Variants in RB1CC1 observed in about 807,000 individuals in gnomAD.
The protein encoded by RB1CC1 is RB1-inducible coiled-coil protein 1.
A neutral mutation model predicts 177.5 loss-of-function variants in RB1CC1; 46 were observed. The ratio of observed to expected loss-of-function variants is 0.26; its 90% CI spans 0.20 to 0.33. RB1CC1 has a LOEUF of 0.33. RB1CC1 is among the 10% of genes least tolerant of loss of function. RB1CC1 has a pLI of 1.00. For missense variants in RB1CC1, 1,703 were observed against 1,816.3 expected (o/e 0.94, Z 1.13); for synonymous variants, 666 against 613.6 (o/e 1.09, Z -1.26).
chr8:52,699,452 T>C (rs1234039416), intron 1 of RB1CC1, among the ~76,000 whole-genome samples: 1 of 152,048 alleles, frequency 6.6e-6, no homozygotes, highest in Non-Finnish European at 1.5e-5. Flanking sequence ...ATCAAAATGA[T>C]GGGTACATCA....
At chr8:52,668,736 T>TG (rs971033290) in intron 7 of RB1CC1, among the ~76,000 whole-genome samples, 1 of 152,188 alleles carries the variant, frequency 6.6e-6, no homozygotes, top group Non-Finnish European at 1.5e-5. Flanking sequence ...ATAATGCTCC[T>TG]GGTCCCTTAA....
At position 52,657,797 on chromosome 8, in the gene RB1CC1, C is replaced by T. The variant is rs747970098; in HGVS notation, c.2032G>A (p.Asp678Asn). The stretch of plus-strand genomic sequence containing the variant: ...GGACAAACTGCAGGACATAAGGGAT[C>T]CTGAACAGTCAGTGGTGGAGGAGTT... ...PRTPPPLTVQ[D>N]PLCPAVCPLE... Residue 678 changes from aspartate (D) to asparagine (N), a missense_variant, in exon 15 of 24, where the codon GAT becomes AAT. Coordinates refer to ENST00000025008, the MANE Select transcript of RB1CC1 (RefSeq NM_014781.5). The T allele has an allele frequency of 3.1e-6, 5 of 1,613,156 alleles. No homozygotes were observed. The highest frequency in any genetic ancestry group is 4.2e-6 in the Non-Finnish European group (5 of 1,179,888).
At chr8:52,652,950 A>G (rs1385330513) in intron 15 of RB1CC1, among the ~76,000 whole-genome samples, 4 of 151,992 alleles carry the variant, frequency 2.6e-5, no homozygotes, top group African/African-American at 9.6e-5. Flanking sequence ...CCAGCTACTC[A>G]GGAGGCTGAG....
intron 15 of RB1CC1, among the ~76,000 whole-genome samples, chr8:52,646,625 A>G (rs1325826370): frequency 6.6e-6 from 1 of 152,212 alleles, no homozygotes; most frequent in Non-Finnish European, 1.5e-5. Flanking sequence ...CTAAAACTGA[A>G]AAGCGCTTAC....
chr8:52,657,766 T>A lies in RB1CC1; in HGVS notation c.2063A>T (p.Glu688Val). Reference protein sequence around the residue: ...DPLCPAVCPLEELSPDSIDAH... With the variant: ...DPLCPAVCPLVELSPDSIDAH... Reference sequence around the variant, plus strand: ...ATCAATACTATCTGGAGATAATTCTTCTAAGGGACAAACTGCAGGACATAA... The same window carrying A: ...ATCAATACTATCTGGAGATAATTCTACTAAGGGACAAACTGCAGGACATAA... Residue 688 changes from glutamate to valine, a missense_variant, in exon 15 of 24, where the codon GAA (glutamate) becomes GTA (valine). This residue lies in a region of RB1CC1 where 1,169 missense variants were observed against 1,184.7 expected (regional missense o/e 0.99). Transcript: ENST00000025008. 1 of 1,613,948 alleles carries A rather than the reference T, an allele frequency of 6.2e-7. No homozygotes were observed. Among genetic ancestry groups the A allele is most frequent in the Non-Finnish European group, 8.5e-7 (1 of 1,179,984 alleles).
rs559598283 is a variant in RB1CC1 at position 52,645,918 on chromosome 8, A to G, written c.3822-51T>C. On this transcript the variant is annotated intron_variant, in intron 15 of 23. Coordinates refer to ENST00000025008, the MANE Select transcript of RB1CC1 (RefSeq NM_014781.5). ...TTAAAAAAAAAATTACAGACACACA[A>G]ATATACCAAATATCATATTTGGGAA... 18 of 1,482,108 alleles carry G rather than the reference A, an allele frequency of 1.2e-5. No individual in the cohort carries two copies. The East Asian group carries it at 4.1e-4, about 34-fold the overall frequency. 91.8% of individuals were successfully genotyped at this position (1,482,108 alleles called of 1,614,324 possible).
rs1851865135 is a variant in RB1CC1 at position 52,664,194 on chromosome 8, G to A, written c.1174-2475C>T. On this transcript the variant is annotated intron_variant, in intron 8 of 23. Coordinates refer to ENST00000025008, the MANE Select transcript of RB1CC1 (RefSeq NM_014781.5). ...CAACTGGGTATCCCTTTTCTCTAAT[G>A]AGCTCACTGAAAATAATCTTATTAA... 1.3e-5 allele frequency among the ~76,000 whole-genome samples: 2 copies of A among 152,086 alleles called. 1 individual carries two copies. Among genetic ancestry groups the A allele is most frequent in the Non-Finnish European group, 2.9e-5 (2 of 68,004 alleles).
At chr8:52,653,510 T>G (rs1283924361) in intron 15 of RB1CC1, among the ~76,000 whole-genome samples, 1 of 152,070 alleles carries the variant, frequency 6.6e-6, no homozygotes, top group African/African-American at 2.4e-5. Flanking sequence ...AAACTCTAGA[T>G]CTAGTATTCA....
chr8:52,658,752 T>A (rs1272624542), intron 13 of RB1CC1, 121 bp downstream of exon 13: 2 of 554,046 alleles, frequency 3.6e-6, no homozygotes, highest in Non-Finnish European at 5.9e-6. Context: ...GGAAAGCCAG[T>A]CTATCTTAAA....
rs1850706057 is a variant in RB1CC1 at position 52,652,636 on chromosome 8, G to T, written c.3821+3372C>A. Among the ~76,000 whole-genome samples the T allele has an allele frequency of 2.0e-5, 3 of 152,310 alleles. No homozygotes were observed. The South Asian group carries it at 6.2e-4, about 32-fold the overall frequency. On this transcript the variant is annotated intron_variant, in intron 15 of 23. Coordinates refer to ENST00000025008, the MANE Select transcript of RB1CC1 (RefSeq NM_014781.5). ...AGCGTAAAAAGATACTGTGACAGAA[G>T]TTAGAGAGCCACTGTTCTTGTTTTT... is the stretch of plus-strand genomic sequence containing the variant.
intron 2 of RB1CC1, among the ~76,000 whole-genome samples, chr8:52,686,565 A>G (rs897448147): frequency 2.6e-5 from 4 of 152,190 alleles, no homozygotes; most frequent in African/African-American, 9.7e-5. Context: ...AGAGAAAGAA[A>G]AAAAACTTAA....
chr8:52,636,505 A>G (rs1174570037), intron 18 of RB1CC1, among the ~76,000 whole-genome samples: 1 of 152,340 alleles, frequency 6.6e-6, no homozygotes, highest in East Asian at 1.9e-4. Flanking sequence ...AACAAATTAG[A>G]AAATTTTAAA....
chr8:52,683,850 GTTGCATTCT>G, intron 4 of RB1CC1, 28 bp downstream of exon 4: 1 of 1,604,010 alleles, frequency 6.2e-7, no homozygotes, highest in African/African-American at 1.3e-5. Flanking sequence ...ATGTAAAGAT[GTTGCATTCT>G]TGTGTGAAAG....
At chr8:52,665,092 GAAT>G (rs1235614248) in intron 8 of RB1CC1, among the ~76,000 whole-genome samples, 3 of 152,104 alleles carry the variant, frequency 2.0e-5, no homozygotes, top group African/African-American at 7.2e-5. Flanking sequence ...CGATTTTATA[GAAT>G]GATGGGTTCA....
chr8:52,683,918 T>C lies in RB1CC1; in HGVS notation c.167A>G (p.Asp56Gly), dbSNP rs2150595769. The C allele has an allele frequency of 6.2e-7, 1 of 1,614,162 alleles. No individual in the cohort carries two copies. The highest frequency in any genetic ancestry group is 2.2e-5 in the East Asian group (1 of 44,878). The change falls in exon 4 of 24, where the codon GAT becomes GGT. Residue 56 changes from aspartate to glycine, a missense_variant. Transcript: ENST00000025008. ...AGCACTGTAGGTACACACTCTTCGA[T>C]CTGCAGCCATGCATTCTCCTCCATT... The part of the protein sequence containing the change: ...VVNGGECMAA[D>G]RRVCTYSAGT...
At chr8:52,686,096 T>A (rs907759190) in intron 2 of RB1CC1, 4 of 152,328 alleles carry the variant, frequency 2.6e-5, no homozygotes, top group Non-Finnish European at 5.9e-5. Flanking sequence ...ACCTCTACAC[T>A]GAGCAAGAAA....
chr8:52,707,917 A>T (rs1856722459), intron 1 of RB1CC1, among the ~76,000 whole-genome samples: 1 of 152,206 alleles, frequency 6.6e-6, no homozygotes, highest in South Asian at 2.1e-4. Context: ...AGGCTCAGGT[A>T]ACCTCCACAT....
intron 16 of RB1CC1, chr8:52,643,226 T>C (rs1481833879): frequency 6.4e-6 from 1 of 155,424 alleles, no homozygotes; most frequent in Non-Finnish European, 1.4e-5. Flanking sequence ...TTATTTCTCT[T>C]ATTTGGATAT....
chr8:52,623,916 T>TCA (rs113332634), intron 23 of RB1CC1, 57 bp from the exon 24 acceptor site: 148,171 of 854,984 alleles, frequency 0.17, 7,302 homozygotes, highest in Middle Eastern at 0.21. Context: ...TCTCTCTCTC[T>TCA]CACACACACA....
Sources: allele counts gnomAD v4.1 joint callset (sites outside exome capture counted in the v4.1 genomes callset), GRCh38; gene constraint gnomAD v4.1.1; regional missense constraint gnomAD v4.1.1; transcripts MANE v1.5; gene names NCBI Gene and HGNC (gene_info 2026-07-23, HGNC 2026-07-21).